NKAIN2: variants seen among roughly 807,000 people sequenced by gnomAD.
NKAIN2 encodes the protein sodium/potassium-transporting ATPase subunit beta-1-interacting protein 2.
Under a neutral mutation model 32.6 loss-of-function variants are expected in NKAIN2, and 14 were observed. The observed-to-expected ratio is 0.43, with a 90% CI of 0.28 to 0.67. The LOEUF is 0.67. NKAIN2 is among the 30% of genes least tolerant of loss of function. The pLI is 0.17. For missense variants in NKAIN2, 198 were observed against 258.3 expected, an observed-to-expected ratio of 0.77 and a Z score of 1.60; for synonymous variants, 80 against 87.2, an observed-to-expected ratio of 0.92 and a Z score of 0.46.
intron 3 of NKAIN2, among the ~76,000 whole-genome samples, chr6:124,583,228 C>CAA: frequency 4.8e-5 from 1 of 20,924 alleles, no homozygotes. Flanking sequence ...AAAGACTCCA[C>CAA]CAAAAAAAAA....
chr6:124,554,575 C>G (rs1255183987), intron 3 of NKAIN2, among the ~76,000 whole-genome samples: 1 of 152,198 alleles, frequency 6.6e-6, no homozygotes, highest in African/African-American at 2.4e-5. Flanking sequence ...TTTATCCACA[C>G]AACTCACATG....
chr6:124,398,252 C>CAAAAAAAAAAAAAAAAAA (rs869039720), intron 3 of NKAIN2, among the ~76,000 whole-genome samples: 32 of 69,066 alleles, frequency 4.6e-4, no homozygotes, highest in African/African-American at 1.5e-3. Context: ...GACTGCATCT[C>CAAAAAAAAAAAAAAAAAA]AAAAAAAAAA....
At chr6:124,233,934 C>A (rs1291567781) in intron 1 of NKAIN2, among the ~76,000 whole-genome samples, 1 of 152,076 alleles carries the variant, frequency 6.6e-6, no homozygotes, top group Admixed American at 6.6e-5. Flanking sequence ...AGTAATCAAC[C>A]CATGTTTGCT....
chr6:124,794,057 C>T (rs907067372), intron 5 of NKAIN2, among the ~76,000 whole-genome samples: 6 of 152,222 alleles, frequency 3.9e-5, no homozygotes, highest in South Asian at 2.1e-4. Context: ...TGCAAAGTTG[C>T]GCCCCATGAA....
At chr6:124,749,599 C>T (rs1019461169) in intron 4 of NKAIN2, among the ~76,000 whole-genome samples, 2 of 151,824 alleles carry the variant, frequency 1.3e-5, no homozygotes, top group African/African-American at 2.4e-5. Context: ...CTGTGTGCAT[C>T]GTCATACTGG....
At chr6:124,683,674 C>T (rs1397748279) in intron 4 of NKAIN2, among the ~76,000 whole-genome samples, 3 of 152,148 alleles carry the variant, frequency 2.0e-5, no homozygotes, top group African/African-American at 4.8e-5. Flanking sequence ...TTGATCCCCC[C>T]CACCCTGCTT....
intron 3 of NKAIN2, among the ~76,000 whole-genome samples, chr6:124,417,169 G>C (rs1296006630): frequency 6.6e-6 from 1 of 152,188 alleles, no homozygotes; most frequent in Admixed American, 6.5e-5. Flanking sequence ...ATTTGACAAA[G>C]ATTTTAAAAT....
chr6:123,966,446 C>A (rs1050891033), intron 1 of NKAIN2, among the ~76,000 whole-genome samples: 1 of 152,100 alleles, frequency 6.6e-6, no homozygotes, highest in African/African-American at 2.4e-5. Flanking sequence ...TGCCAAGGCA[C>A]CTTTTTATAG....
intron 1 of NKAIN2, among the ~76,000 whole-genome samples, chr6:124,018,942 T>G: frequency 6.6e-6 from 1 of 152,146 alleles, no homozygotes; most frequent in East Asian, 1.9e-4. Flanking sequence ...CTGGGTAATT[T>G]ATAAAGGAAA....
At chr6:124,439,415 G>A (rs1056242858) in intron 3 of NKAIN2, among the ~76,000 whole-genome samples, 2 of 151,360 alleles carry the variant, frequency 1.3e-5, no homozygotes, top group East Asian at 1.9e-4. Context: ...ACGACTACAC[G>A]GGGCCTGCTC....
intron 1 of NKAIN2, among the ~76,000 whole-genome samples, chr6:124,095,918 A>T (rs982718544): frequency 2.6e-5 from 4 of 152,188 alleles, no homozygotes. Context: ...TGCATGTGAT[A>T]GTGTACATGT....
intron 3 of NKAIN2, among the ~76,000 whole-genome samples, chr6:124,464,939 A>G (rs1776683904): frequency 6.6e-6 from 1 of 152,038 alleles, no homozygotes; most frequent in South Asian, 2.1e-4. Context: ...ATAGCATTGA[A>G]TCTATAAATT....
intron 2 of NKAIN2, among the ~76,000 whole-genome samples, chr6:124,352,259 CATAA>C (rs1197230047): frequency 6.6e-6 from 1 of 152,114 alleles, no homozygotes; most frequent in Non-Finnish European, 1.5e-5. Context: ...GTGGCTAAAA[CATAA>C]ATGTTTCAAC....
rs60803472 is a variant in NKAIN2 at position 124,024,983 on chromosome 6, C to CAAAA, written c.54+220738_54+220741dup. ...CTGGCAACAGAGTGAGATTCCGTCT[C>CAAAA]AAAAAAAAAAAAGTGCTTTTCCTAC... On this transcript the variant is annotated intron_variant, in intron 1 of 6. Transcript: ENST00000368417. 9.2e-5 allele frequency among the ~76,000 whole-genome samples: 13 copies of CAAAA among 142,022 alleles called. 1 individual carries two copies. Among genetic ancestry groups the CAAAA allele is most frequent in the African/African-American group, 3.1e-4 (12 of 39,300 alleles). 93.2% of individuals were successfully genotyped at this position (142,022 alleles called of 152,430 possible). A position where few individuals can be genotyped will look rare whatever the true frequency, so the allele number is the denominator to read the frequency against.
chr6:123,897,370 T>C, intron 1 of NKAIN2, among the ~76,000 whole-genome samples: 1 of 152,264 alleles, frequency 6.6e-6, no homozygotes, highest in African/African-American at 2.4e-5. Flanking sequence ...GTTTTCTAAC[T>C]TTGCCTGTTT....
chr6:124,255,421 G>A (rs1260139400), intron 1 of NKAIN2, among the ~76,000 whole-genome samples: 1 of 152,156 alleles, frequency 6.6e-6, no homozygotes, highest in African/African-American at 2.4e-5. Flanking sequence ...GGGTGTGAGG[G>A]AAGCAAAGTA....
Position 124,658,510 on chromosome 6 carries a change from T to C in NKAIN2, c.474+124T>C, listed in dbSNP as rs1317131973. On this transcript the variant is annotated intron_variant, in intron 4 of 6. Transcript: ENST00000368417. ...GGCCTTTTTGCTTTTTCCTCATTAA[T>C]GCGACTTTTAACAGGAAATCCTCAG... The C allele has an allele frequency of 2.6e-6, 4 of 1,514,250 alleles. No homozygotes were observed. In the Admixed American group the frequency reaches 6.7e-5, roughly 25 times the overall value. The allele number at this position is 1,514,250 out of a possible 1,614,324, so 93.8% of individuals were successfully genotyped here.
At chr6:124,226,861 T>C (rs1363597696) in intron 1 of NKAIN2, among the ~76,000 whole-genome samples, 1 of 152,106 alleles carries the variant, frequency 6.6e-6, no homozygotes, top group African/African-American at 2.4e-5. Context: ...TGTTCATTAC[T>C]TATGATGAAT....
intron 1 of NKAIN2, among the ~76,000 whole-genome samples, chr6:124,229,268 C>T (rs559881768): frequency 6.6e-6 from 1 of 152,186 alleles, no homozygotes; most frequent in East Asian, 1.9e-4. Context: ...AATTTAATGG[C>T]TGTGGCAGGT....
Sources: gnomAD v4.1 joint callset for allele counts (sites outside exome capture counted in the v4.1 genomes callset) on GRCh38, gnomAD v4.1.1 for gene constraint, MANE v1.5 for transcripts, NCBI Gene and HGNC (gene_info 2026-07-23, HGNC 2026-07-21) for gene names.